The following NARF variants were observed in gnomAD, a reference collection of about 807,000 sequenced individuals.
NARF encodes iron-only hydrogenase-like protein 2.
NARF carries 41 observed loss-of-function variants against 48.0 expected under a neutral mutation model. The ratio of observed to expected loss-of-function variants is 0.85; its 90% CI spans 0.66 to 1.11. The LOEUF (loss-of-function observed/expected upper bound fraction) is 1.11, where lower values mean the gene tolerates loss of function less well. NARF is among the 50% of genes least tolerant of loss of function. NARF has a pLI of 0.00. For missense variants in NARF, 613 were observed against 590.2 expected, an observed-to-expected ratio of 1.04 and a Z score of -0.40; for synonymous variants, 215 against 225.5, an observed-to-expected ratio of 0.95 and a Z score of 0.42.
At chr17:82,459,691 G>A (rs1345428196) in intron 1 of NARF, among the ~76,000 whole-genome samples, 1 of 152,048 alleles carries the variant, frequency 6.6e-6, no homozygotes, top group African/African-American at 2.4e-5. Context: ...CCAACATGGC[G>A]AAACCCAGTC....
chr17:82,459,278 A>C, intron 1 of NARF: 1 of 718,728 alleles, frequency 1.4e-6, no homozygotes, highest in Middle Eastern at 6.8e-4. Flanking sequence ...TCTCCAGGCC[A>C]TGGCAACAAC....
chr17:82,461,052 C>G (rs955731050), intron 2 of NARF: 3 of 151,730 alleles, frequency 2.0e-5, no homozygotes, highest in African/African-American at 7.3e-5. Context: ...GTAGCTGGGA[C>G]TACAGGTATG....
At chr17:82,473,261 A>G (rs1454622924) in intron 5 of NARF, among the ~76,000 whole-genome samples, 1 of 144,824 alleles carries the variant, frequency 6.9e-6, no homozygotes, top group Non-Finnish European at 1.5e-5. Flanking sequence ...TCTTGAGCCC[A>G]GGAGTTTGAG....
At chr17:82,471,200 A>C (rs536496134) in intron 4 of NARF, among the ~76,000 whole-genome samples, 8 of 151,662 alleles carry the variant, frequency 5.3e-5, no homozygotes, top group African/African-American at 1.7e-4. Flanking sequence ...TCACGCCTGT[A>C]ATCCCAGCAC....
rs1202972180 is a variant in NARF at position 82,489,585 on chromosome 17, C to T, written c.*1428C>T. 1.3e-5 allele frequency: 2 copies of T among 152,360 alleles called. No homozygotes were observed. Among genetic ancestry groups the T allele is most frequent in the Non-Finnish European group, 2.9e-5 (2 of 68,162 alleles). The allele number at this position is 152,360 out of a possible 1,614,324, so 9.4% of individuals were successfully genotyped here. ...CCTCCCGCAGAAGACTTCCCTGTCACCCTTGGCAGACAGGTTTCTTCTCAC... is the reference window on the plus strand; with the variant it reads ...CCTCCCGCAGAAGACTTCCCTGTCATCCTTGGCAGACAGGTTTCTTCTCAC... On this transcript the variant is annotated 3_prime_UTR_variant, in exon 11 of 11. Coordinates refer to ENST00000309794, the MANE Select transcript of NARF (RefSeq NM_012336.4).
rs781147467 is a variant in NARF at position 82,464,379 on chromosome 17, A to C, written c.201A>C (p.Gln67His). Reference sequence around the variant, plus strand: ...GTATGACTGCAGAGGAAGGAGTCCAACTTTCCCAGCAAAATGCCAAGGACT... The same window carrying C: ...GTATGACTGCAGAGGAAGGAGTCCACCTTTCCCAGCAAAATGCCAAGGACT... The part of the protein sequence containing the change: ...DSCMTAEEGV[Q>H]LSQQNAKDFF... Residue 67 changes from glutamine to histidine, a missense_variant, in exon 3 of 11, where the codon CAA becomes CAC. Coordinates refer to ENST00000309794, the MANE Select transcript of NARF (RefSeq NM_012336.4). The C allele has an allele frequency of 4.3e-6, 7 of 1,613,960 alleles. No homozygotes were observed. The Admixed American group carries it at 8.3e-5, about 19-fold the overall frequency.
chr17:82,472,586 G>A lies in NARF; in HGVS notation c.408G>A (p.Thr136=), dbSNP rs775565156. The A allele has an allele frequency of 2.4e-5, 38 of 1,613,172 alleles. 1 individual carries two copies. The highest frequency in any genetic ancestry group is 1.6e-4 in the Middle Eastern group (1 of 6,080). The change falls in exon 5 of 11, where the codon ACG becomes ACA. Residue 136 remains threonine (T), a synonymous_variant. Transcript: ENST00000309794. ...CAGGGGTGCACTATGTATTTGATACGACGATAGCTGCGGATTTTAGTATCC... is the reference window on the plus strand; with the variant it reads ...CAGGGGTGCACTATGTATTTGATACAACGATAGCTGCGGATTTTAGTATCC... ...KSLGVHYVFD[T]TIAADFSILE...
intron 1 of NARF, among the ~76,000 whole-genome samples, chr17:82,459,686 A>C (rs149245781): frequency 9.2e-4 from 140 of 152,236 alleles, no homozygotes; most frequent in Non-Finnish European, 1.6e-3. Flanking sequence ...CGTGGCCAAC[A>C]TGGCGAAACC....
chr17:82,465,336 G>T (rs2043539432), intron 3 of NARF, among the ~76,000 whole-genome samples: 1 of 152,194 alleles, frequency 6.6e-6, no homozygotes. Flanking sequence ...GACAAAGGCA[G>T]ATGAGGCTGA....
In NARF at chr17:82,459,999, G is replaced by GT; in HGVS notation, c.36dup (p.Lys13Ter). On this transcript the variant is annotated frameshift_variant, in exon 2 of 11. Coordinates refer to ENST00000309794, the MANE Select transcript of NARF (RefSeq NM_012336.4). LOFTEE classifies it high-confidence loss of function. ...TTCCTTTGCTTTTTTAAGGAATGTA[G>GT]TAAGAAAACAAAAACTGATGACCAA... 6.2e-7 allele frequency: 1 copy of GT among 1,613,416 alleles called. No homozygotes were observed. The highest frequency in any genetic ancestry group is 1.1e-5 in the South Asian group (1 of 90,942).
intron 5 of NARF, chr17:82,478,481 C>T (rs1248549623): frequency 6.7e-6 from 3 of 450,996 alleles, no homozygotes; most frequent in African/African-American, 2.0e-5. Context: ...CAGCCTGGGC[C>T]GCTGCTCCTG....
chr17:82,481,184 C>G lies in NARF; in HGVS notation c.742C>G (p.Arg248Gly), dbSNP rs150442361. 6.2e-7 allele frequency: 1 copy of G among 1,613,978 alleles called. No individual in the cohort carries two copies. Among genetic ancestry groups the G allele is most frequent in the Non-Finnish European group, 8.5e-7 (1 of 1,179,994 alleles). Residue 248 changes from arginine (R) to glycine (G), a missense_variant, in exon 7 of 11, where the codon CGG (arginine) becomes GGG (glycine). Transcript: ENST00000309794. The stretch of plus-strand genomic sequence containing the variant: ...CCTTCCCCCTGCTTTGCATGGCTCC[C>G]GGGGCGCTGACTGCGTGTTAACATC... ...ESLPPALHGSRGADCVLTSGE... is the reference protein window; with the variant it reads ...ESLPPALHGSGGADCVLTSGE...
At chr17:82,459,260 C>G in intron 1 of NARF, 4 of 896,338 alleles carry the variant, frequency 4.5e-6, no homozygotes, top group Non-Finnish European at 5.4e-6. Context: ...CGGCGCCTTC[C>G]GCGGTTGTCT....
In NARF at chr17:82,488,380, CTTTTT is replaced by C; in HGVS notation, c.*232_*236del. ...GGTGTGGGATTGGAACTTTTTTTTT[CTTTTT>C]TTTTTTTTGAGACGGAGTCTCACTC... is the stretch of plus-strand genomic sequence containing the variant. On this transcript the variant is annotated 3_prime_UTR_variant, in exon 11 of 11. Transcript: ENST00000309794. The C allele has an allele frequency of 2.2e-6, 1 of 448,638 alleles. No homozygotes were observed. Among genetic ancestry groups the C allele is most frequent in the Non-Finnish European group, 3.7e-6 (1 of 272,100 alleles). 27.8% of individuals were successfully genotyped at this position (448,638 alleles called of 1,614,324 possible). A position where few individuals can be genotyped will look rare whatever the true frequency, so the allele number is the denominator to read the frequency against.
intron 3 of NARF, 165 bp from the exon 4 acceptor site, chr17:82,468,599 A>AT (rs1244891081): frequency 3.1e-5 from 21 of 676,472 alleles, no homozygotes; most frequent in South Asian, 4.5e-5. Flanking sequence ...CATAATCCTG[A>AT]TTTTTTTTCT....
intron 3 of NARF, among the ~76,000 whole-genome samples, chr17:82,466,576 T>C (rs2043573721): frequency 6.6e-6 from 1 of 151,950 alleles, no homozygotes; most frequent in Admixed American, 6.6e-5. Context: ...CCTCAGCCTC[T>C]CAAGTAGCTA....
At chr17:82,476,667 C>A (rs1032121352) in intron 5 of NARF, 4 of 151,892 alleles carry the variant, frequency 2.6e-5, no homozygotes, top group African/African-American at 9.7e-5. Context: ...TGGCCTTGAT[C>A]TCCTGACCTC....
intron 2 of NARF, 155 bp downstream of exon 2, chr17:82,460,227 G>A (rs753361200): frequency 2.2e-5 from 13 of 586,102 alleles, no homozygotes; most frequent in Non-Finnish European, 3.8e-5. Flanking sequence ...CACTTTGGGA[G>A]GCCGAGGTGG....
At chr17:82,470,477 T>G (rs2043673118) in intron 4 of NARF, among the ~76,000 whole-genome samples, 1 of 152,152 alleles carries the variant, frequency 6.6e-6, no homozygotes, top group South Asian at 2.1e-4. Context: ...AATGTAATAT[T>G]TTAAAATTTA....
Sources: allele counts gnomAD v4.1 joint callset (sites outside exome capture counted in the v4.1 genomes callset), GRCh38; gene constraint gnomAD v4.1.1; transcripts MANE v1.5; gene names NCBI Gene and HGNC (gene_info 2026-07-23, HGNC 2026-07-21).